FAM120C: variants seen among roughly 807,000 people sequenced by gnomAD.
FAM120C encodes the protein family with sequence similarity 120 member C.
A neutral mutation model predicts 71.2 loss-of-function variants in FAM120C; 14 were observed. That is an observed-to-expected ratio of 0.20 (90% CI 0.13 to 0.31). FAM120C has a LOEUF of 0.31. Among genes scored for constraint, FAM120C ranks in the 10% least tolerant of loss-of-function variants. The pLI, the probability that FAM120C is intolerant of heterozygous loss-of-function variation, is 1.00. For synonymous variants in FAM120C, 354 were observed against 353.2 expected, an observed-to-expected ratio of 1.00 and a Z score of -0.03; for missense variants, 500 against 879.0, an observed-to-expected ratio of 0.57 and a Z score of 5.45.
At position 54,087,457 on chromosome X, in the gene FAM120C, T is replaced by A. The variant is rs139345300; in HGVS notation, c.2637+298A>T. On this transcript the variant is annotated intron_variant, in intron 12 of 15. Transcript: ENST00000375180. ...TAAATAAGAGAAATGAAATACTGAG[T>A]TGGAGGGAAGGTATATAGTACATCT... Among the ~76,000 whole-genome samples the A allele has an allele frequency of 4.6e-3, 508 of 110,177 alleles. 2 individuals carry two copies. Among genetic ancestry groups the A allele is most frequent in the African/African-American group, 0.016 (477 of 30,272 alleles).
At chrX:54,083,583 C>T (rs1557121592) in intron 13 of FAM120C, among the ~76,000 whole-genome samples, 1 of 109,330 alleles carries the variant, frequency 9.1e-6, no homozygotes, top group African/African-American at 3.3e-5. Context: ...TGCAGCAAGC[C>T]ATGATTGCAC....
chrX:54,168,414 C>A (rs1264787737), intron 1 of FAM120C, among the ~76,000 whole-genome samples: 2 of 112,123 alleles, frequency 1.8e-5, no homozygotes, highest in African/African-American at 6.5e-5. Context: ...GGATTACAGG[C>A]ATGAGCCACT....
At chrX:54,145,777 T>A (rs2067151934) in intron 4 of FAM120C, among the ~76,000 whole-genome samples, 1 of 111,751 alleles carries the variant, frequency 8.9e-6, no homozygotes, top group Non-Finnish European at 1.9e-5. Context: ...GAACTAGAAA[T>A]ACCATTTGAC....
At chrX:54,163,811 A>C (rs2146639992) in intron 1 of FAM120C, among the ~76,000 whole-genome samples, 1 of 110,252 alleles carries the variant, frequency 9.1e-6, no homozygotes, top group East Asian at 2.8e-4. Context: ...ACCCCATGAA[A>C]GCATTACCCA....
intron 10 of FAM120C, among the ~76,000 whole-genome samples, chrX:54,101,216 T>TG (rs782236304): frequency 9.0e-6 from 1 of 111,428 alleles, no homozygotes; most frequent in South Asian, 3.8e-4. Flanking sequence ...GAGCCACACC[T>TG]GGGTCCATGT....
chrX:54,135,729 A>T (rs1603359625), intron 5 of FAM120C, 125 bp from the exon 6 acceptor site: 3 of 493,832 alleles, frequency 6.1e-6, no homozygotes, highest in East Asian at 7.5e-5. Context: ...TTGAACAGCT[A>T]CTATGTGCCA....
chrX:54,073,429 C>A, intron 15 of FAM120C, 142 bp from the exon 16 acceptor site: 7 of 508,015 alleles, frequency 1.4e-5, no homozygotes, highest in Non-Finnish European at 1.8e-5. Context: ...ACAACTAGTA[C>A]AATCTTTTTT....
At chrX:54,127,511 A>T (rs1483523453) in intron 9 of FAM120C, among the ~76,000 whole-genome samples, 2 of 103,940 alleles carry the variant, frequency 1.9e-5, no homozygotes, top group East Asian at 6.2e-4. Flanking sequence ...GAATGGTGTG[A>T]ACCCGGGAGG....
intron 9 of FAM120C, among the ~76,000 whole-genome samples, chrX:54,128,437 G>A (rs950338421): frequency 5.4e-5 from 6 of 110,231 alleles, no homozygotes; most frequent in African/African-American, 9.9e-5. Context: ...TCACTTGTAC[G>A]TATTCTTTTG....
At chrX:54,111,385 A>C (rs2146587089) in intron 10 of FAM120C, among the ~76,000 whole-genome samples, 1 of 110,848 alleles carries the variant, frequency 9.0e-6, no homozygotes, top group Non-Finnish European at 1.9e-5. Flanking sequence ...ATCTAGAAAA[A>C]CCCTAAAGAA....
chrX:54,144,955 T>C (rs2067147141), intron 4 of FAM120C, among the ~76,000 whole-genome samples: 1 of 111,631 alleles, frequency 9.0e-6, no homozygotes, highest in Admixed American at 9.6e-5. Flanking sequence ...ATGGTACTGG[T>C]ACCAAAACAA....
chrX:54,116,469 T>A (rs1251100327), intron 10 of FAM120C, 76 bp downstream of exon 10: 1 of 1,083,871 alleles, frequency 9.2e-7, no homozygotes, highest in African/African-American at 1.9e-5. Flanking sequence ...TGAAATACCA[T>A]AAAAGCAGGT....
intron 11 of FAM120C, 105 bp downstream of exon 11, chrX:54,091,207 C>T (rs2066822387): frequency 4.1e-6 from 2 of 489,840 alleles, no homozygotes; most frequent in Non-Finnish European, 6.8e-6. Flanking sequence ...CAAACAGTTA[C>T]CTGCAGAACT....
chrX:54,180,614 T>G (rs2067343276), intron 1 of FAM120C, among the ~76,000 whole-genome samples: 1 of 111,542 alleles, frequency 9.0e-6, no homozygotes, highest in African/African-American at 3.3e-5. Context: ...CAGTGGCACT[T>G]TAGAAAGATT....
At chrX:54,089,365 T>C (rs1557122368) in intron 11 of FAM120C, among the ~76,000 whole-genome samples, 1 of 111,596 alleles carries the variant, frequency 9.0e-6, no homozygotes, top group Non-Finnish European at 1.9e-5. Context: ...CTCAAGCCAC[T>C]GTGTTAGAAG....
In FAM120C at chrX:54,132,660, G is replaced by A. The variant is rs200296258; in HGVS notation, c.2062+32C>T. Reference sequence around the variant, plus strand: ...AGACATATCTGCTGTGTCAAGTGCTGAGAGAATTGTCATAGCTAGAACTAC... The same window carrying A: ...AGACATATCTGCTGTGTCAAGTGCTAAGAGAATTGTCATAGCTAGAACTAC... On this transcript the variant is annotated intron_variant, in intron 9 of 15. Coordinates refer to ENST00000375180, the MANE Select transcript of FAM120C (RefSeq NM_017848.6). 3.1e-4 allele frequency: 356 copies of A among 1,148,504 alleles called. 2 individuals are homozygous for A. The South Asian group carries it at 7.1e-3, about 23-fold the overall frequency. 94.6% of individuals were successfully genotyped at this position (1,148,504 alleles called of 1,213,427 possible).
chrX:54,169,612 T>C (rs1181550860), intron 1 of FAM120C, among the ~76,000 whole-genome samples: 1 of 111,743 alleles, frequency 8.9e-6, no homozygotes, highest in Non-Finnish European at 1.9e-5. Flanking sequence ...TACACCAAAC[T>C]AGTGACTAAC....
At chrX:54,166,675 A>G (rs2067261161) in intron 1 of FAM120C, among the ~76,000 whole-genome samples, 1 of 111,826 alleles carries the variant, frequency 8.9e-6, no homozygotes. Flanking sequence ...TATGCATAGT[A>G]TGCTGTTTTT....
intron 4 of FAM120C, among the ~76,000 whole-genome samples, chrX:54,143,113 G>C (rs1334716895): frequency 9.0e-6 from 1 of 111,553 alleles, no homozygotes; most frequent in African/African-American, 3.3e-5. Flanking sequence ...AAGACCAAAG[G>C]TAGATAAAAC....
Sources: gnomAD v4.1 joint callset for allele counts (sites outside exome capture counted in the v4.1 genomes callset) on GRCh38, gnomAD v4.1.1 for gene constraint, MANE v1.5 for transcripts, NCBI Gene and HGNC (gene_info 2026-07-23, HGNC 2026-07-21) for gene names.